AGXT2: variants seen among roughly 807,000 people sequenced by gnomAD.
AGXT2 encodes alanine--glyoxylate aminotransferase 2, mitochondrial.
In AGXT2, 61 loss-of-function variants were observed where a neutral mutation model predicts 62.5. The observed-to-expected ratio is 0.98, with a 90% CI of 0.79 to 1.21. The LOEUF (loss-of-function observed/expected upper bound fraction) is 1.21. Ranked by LOEUF, AGXT2 falls within the 50% of genes most tolerant of loss-of-function variation. AGXT2 has a pLI of 0.00. For synonymous variants in AGXT2, 243 were observed against 218.7 expected (o/e 1.11, Z -0.98); for missense variants, 666 against 641.5 (o/e 1.04, Z -0.41).
intron 6 of AGXT2, 53 bp from the exon 7 acceptor site, chr5:35,032,878 G>T: frequency 6.8e-7 from 1 of 1,462,616 alleles, no homozygotes; most frequent in Non-Finnish European, 9.4e-7. Context: ...AGACAGCCAA[G>T]TTAGGGTAGC....
At chr5:35,047,585 C>A (rs187106421) in intron 1 of AGXT2, among the ~76,000 whole-genome samples, 1 of 151,990 alleles carries the variant, frequency 6.6e-6, no homozygotes, top group Non-Finnish European at 1.5e-5. Flanking sequence ...GTTTCATTAT[C>A]CACGAATTTC....
intron 12 of AGXT2, among the ~76,000 whole-genome samples, chr5:35,008,333 C>T (rs779698068): frequency 4.6e-5 from 7 of 152,096 alleles, no homozygotes; most frequent in Non-Finnish European, 7.4e-5. Context: ...TTGTGATGAA[C>T]ATCTTTGTTC....
chr5:35,046,471 C>T (rs1044519983), intron 1 of AGXT2, among the ~76,000 whole-genome samples: 8 of 152,146 alleles, frequency 5.3e-5, no homozygotes, highest in Non-Finnish European at 5.9e-5. Flanking sequence ...TCTTCGAGTT[C>T]GGAGTCAGAT....
intron 9 of AGXT2, among the ~76,000 whole-genome samples, chr5:35,025,360 G>C (rs1443436218): frequency 2.0e-5 from 3 of 152,214 alleles, no homozygotes; most frequent in Non-Finnish European, 4.4e-5. Flanking sequence ...CTGGATGACA[G>C]AGCGAGACTT....
chr5:35,032,245 C>A (rs1042246742), intron 7 of AGXT2, among the ~76,000 whole-genome samples: 6 of 151,694 alleles, frequency 4.0e-5, no homozygotes, highest in Admixed American at 3.9e-4. Context: ...AGCCACCATG[C>A]CCCGCCGGGC....
chr5:35,026,339 G>T, intron 8 of AGXT2, 71 bp downstream of exon 8: 1 of 1,245,014 alleles, frequency 8.0e-7, no homozygotes, highest in South Asian at 1.2e-5. Flanking sequence ...GAATTCTCTA[G>T]AATATATGAG....
chr5:35,039,932 T>C (rs1487222927), intron 2 of AGXT2, among the ~76,000 whole-genome samples: 1 of 152,238 alleles, frequency 6.6e-6, no homozygotes, highest in Admixed American at 6.5e-5. Context: ...ATTTATAAAA[T>C]ATCTCTCCTG....
intron 7 of AGXT2, 54 bp from the exon 8 acceptor site, chr5:35,026,564 C>T: frequency 1.3e-6 from 2 of 1,489,528 alleles, no homozygotes; most frequent in South Asian, 2.3e-5. Flanking sequence ...AAAATGTGAG[C>T]CTGATATTTA....
chr5:35,025,674 T>C (rs1767307275), intron 9 of AGXT2, 89 bp downstream of exon 9: 1 of 1,380,478 alleles, frequency 7.2e-7, no homozygotes, highest in Non-Finnish European at 1.0e-6. Flanking sequence ...AGAGGCTTTC[T>C]GCCTGGAACA....
Position 35,003,813 on chromosome 5 carries a change from C to G in AGXT2, c.1387G>C (p.Asp463His). ...PREEVNQIHE[D>H]CKHMGLLVGR... ...ACGAGGAGTCCCATGTGCTTGCAGTCCTCATGGATCTGATTTACTTCTTCA... is the reference window on the plus strand; with the variant it reads ...ACGAGGAGTCCCATGTGCTTGCAGTGCTCATGGATCTGATTTACTTCTTCA... Residue 463 changes from aspartate (D) to histidine (H), a missense_variant, in exon 13 of 14, where the codon GAC becomes CAC. By Grantham distance (81) the Asp-to-His change is moderately conservative. Transcript: ENST00000231420. 1 of 1,614,166 alleles carries G rather than the reference C, an allele frequency of 6.2e-7. No homozygotes were observed. Among genetic ancestry groups the G allele is most frequent in the Non-Finnish European group, 8.5e-7 (1 of 1,180,050 alleles).
At position 35,022,965 on chromosome 5, in the gene AGXT2, G is replaced by T. The variant is rs189460125; in HGVS notation, c.963+2798C>A. On this transcript the variant is annotated intron_variant, in intron 9 of 13. Transcript: ENST00000231420. ...GGAAAGTTAGCATAAAAGAGTCTTG[G>T]TGATTTCAATCACTGGCTCCTAAAT... Among the ~76,000 whole-genome samples, 12 of 151,250 alleles carry T rather than the reference G, an allele frequency of 7.9e-5. No individual in the cohort carries two copies. The East Asian group carries it at 1.7e-3, about 22-fold the overall frequency.
Position 35,015,454 on chromosome 5 carries a change from C to T in AGXT2, c.964-1335G>A, listed in dbSNP as rs531140537. ...TTCTTTCTGGCTCTCAGTCTCCCTG[C>T]CTGTCTCTCTGTCTGTCTGTCTCTC... On this transcript the variant is annotated intron_variant, in intron 9 of 13. Transcript: ENST00000231420. 1.9e-4 allele frequency among the ~76,000 whole-genome samples: 29 copies of T among 152,280 alleles called. 1 individual carries two copies. In the South Asian group the frequency reaches 5.6e-3, roughly 29 times the overall value.
chr5:35,008,050 A>G (rs1282632618), intron 12 of AGXT2, among the ~76,000 whole-genome samples: 1 of 152,134 alleles, frequency 6.6e-6, no homozygotes, highest in Non-Finnish European at 1.5e-5. Context: ...CCCTCATCAG[A>G]TGCAGATGCT....
At chr5:35,016,408 A>C (rs553793725) in intron 9 of AGXT2, among the ~76,000 whole-genome samples, 1 of 152,312 alleles carries the variant, frequency 6.6e-6, no homozygotes, top group Non-Finnish European at 1.5e-5. Flanking sequence ...AGGATGCTTT[A>C]AAAAGAATCC....
intron 13 of AGXT2, among the ~76,000 whole-genome samples, chr5:35,003,278 C>G (rs1766299671): frequency 6.6e-6 from 1 of 152,326 alleles, no homozygotes; most frequent in East Asian, 1.9e-4. Context: ...CAGGCGTCAC[C>G]CGGGCCTGCA....
rs532922016 is a variant in AGXT2 at position 35,025,494 on chromosome 5, C to T, written c.963+269G>A. Among the ~76,000 whole-genome samples the T allele has an allele frequency of 5.6e-4, 85 of 152,298 alleles. 2 individuals are homozygous for T. The South Asian group carries it at 0.011, about 20-fold the overall frequency. ...GGAATTAAAAAAATATATTGAGTCACGGTCTAATAACATCACATATGGCTG... is the reference window on the plus strand; with the variant it reads ...GGAATTAAAAAAATATATTGAGTCATGGTCTAATAACATCACATATGGCTG... On this transcript the variant is annotated intron_variant, in intron 9 of 13. Coordinates refer to ENST00000231420, the MANE Select transcript of AGXT2 (RefSeq NM_031900.4).
chr5:35,016,944 G>A (rs1473680389), intron 9 of AGXT2, among the ~76,000 whole-genome samples: 2 of 152,150 alleles, frequency 1.3e-5, no homozygotes, highest in East Asian at 1.9e-4. Context: ...TGGGGACTAC[G>A]GGTATGCATG....
intron 11 of AGXT2, 49 bp downstream of exon 11, chr5:35,012,903 GAA>G (rs1409793662): frequency 1.3e-5 from 19 of 1,491,190 alleles, no homozygotes; most frequent in Non-Finnish European, 1.7e-5. Context: ...GTGTGGTTTT[GAA>G]AGAGTCATTT....
At chr5:35,019,401 G>C (rs565501010) in intron 9 of AGXT2, among the ~76,000 whole-genome samples, 10 of 149,376 alleles carry the variant, frequency 6.7e-5, no homozygotes, top group African/African-American at 2.2e-4. Context: ...AATCAAACTA[G>C]AACTCAGGAT....
Sources: gnomAD v4.1 joint callset for allele counts (sites outside exome capture counted in the v4.1 genomes callset) on GRCh38, gnomAD v4.1.1 for gene constraint, MANE v1.5 for transcripts, NCBI Gene and HGNC (gene_info 2026-07-23, HGNC 2026-07-21) for gene names.